The following ELK3 variants were observed in gnomAD, a reference collection of about 807,000 sequenced individuals.
The protein encoded by ELK3 is ETS domain-containing protein Elk-3.
ELK3 carries 10 observed loss-of-function variants against 28.9 expected under a neutral mutation model. The ratio of observed to expected loss-of-function variants is 0.35; its 90% CI spans 0.21 to 0.59. ELK3 has a LOEUF of 0.59. Ranked by LOEUF, ELK3 falls within the 20% of genes least tolerant of loss-of-function variation. The pLI is 0.82. For missense variants in ELK3, 463 were observed against 517.3 expected (o/e 0.90, Z 1.02); for synonymous variants, 272 against 243.5 (o/e 1.12, Z -1.09).
At chr12:96,210,139 C>T (rs760121683) in intron 1 of ELK3, among the ~76,000 whole-genome samples, 4 of 152,022 alleles carry the variant, frequency 2.6e-5, no homozygotes, top group Non-Finnish European at 2.9e-5. Flanking sequence ...GTATGAGGGT[C>T]GGGGGGCCAG....
At chr12:96,232,576 A>G (rs1951749948) in intron 2 of ELK3, among the ~76,000 whole-genome samples, 1 of 151,616 alleles carries the variant, frequency 6.6e-6, no homozygotes, top group South Asian at 2.1e-4. Flanking sequence ...ATCTCAAAAA[A>G]AAAAATAAAT....
Position 96,247,658 on chromosome 12 carries a change from C to T in ELK3, c.926C>T (p.Thr309Ile), listed in dbSNP as rs769260115. The T allele has an allele frequency of 2.8e-5, 45 of 1,612,474 alleles. No homozygotes were observed. Among genetic ancestry groups the T allele is most frequent in the Non-Finnish European group, 3.7e-5 (44 of 1,179,946 alleles). ...ISAPPLVLSG[T>I]DIGSIALNSP... ...GCGCCCCCGCTGGTGCTCTCCGGCACCGACATCGGCTCCATCGCCCTCAAC... is the reference window on the plus strand; with the variant it reads ...GCGCCCCCGCTGGTGCTCTCCGGCATCGACATCGGCTCCATCGCCCTCAAC... The change falls in exon 3 of 5, where the codon ACC becomes ATC. Residue 309 changes from threonine to isoleucine, a missense_variant. Around this residue, in one of 2 missense-constraint regions of ELK3, gnomAD observed 408 missense variants for 414.8 expected, o/e 0.98. Coordinates refer to ENST00000228741, the MANE Select transcript of ELK3 (RefSeq NM_005230.4). This position sits in a 1 kb window ranked among gnomAD's most constrained non-coding sequence, Gnocchi z 5.5.
At chr12:96,221,268 C>T (rs935568510) in intron 1 of ELK3, among the ~76,000 whole-genome samples, 1 of 152,208 alleles carries the variant, frequency 6.6e-6, no homozygotes, top group Admixed American at 6.5e-5. Flanking sequence ...AAAAGTGATT[C>T]TGTGATGCAC....
At chr12:96,230,764 A>G (rs1373433177) in intron 2 of ELK3, among the ~76,000 whole-genome samples, 1 of 152,176 alleles carries the variant, frequency 6.6e-6, no homozygotes, top group Non-Finnish European at 1.5e-5. Context: ...GGCTCTGATC[A>G]CTGTGCTCAG....
chr12:96,240,087 T>C (rs370711347), intron 2 of ELK3, among the ~76,000 whole-genome samples: 5 of 152,330 alleles, frequency 3.3e-5, no homozygotes, highest in African/African-American at 1.2e-4. Flanking sequence ...TTAGGCACAA[T>C]ATAATATAAG....
Position 96,227,266 on chromosome 12 carries a change from C to T in ELK3, c.207+3493C>T, listed in dbSNP as rs984937715. Among the ~76,000 whole-genome samples the T allele has an allele frequency of 5.3e-5, 8 of 152,124 alleles. No homozygotes were observed. In the East Asian group the frequency reaches 1.6e-3, roughly 30 times the overall value. On this transcript the variant is annotated intron_variant, in intron 2 of 4. Transcript: ENST00000228741. ...TTCTCGGTGTCCTCCTCCTCTTCCT[C>T]ACTAACATTCATCCAGAGCCTTTCA...
At chr12:96,240,529 C>G (rs1951813580) in intron 2 of ELK3, among the ~76,000 whole-genome samples, 1 of 152,156 alleles carries the variant, frequency 6.6e-6, no homozygotes. Flanking sequence ...GGAGCCTCTC[C>G]TTTTAATCCC....
chr12:96,250,904 G>A (rs1409328017), intron 3 of ELK3, among the ~76,000 whole-genome samples: 1 of 152,288 alleles, frequency 6.6e-6, no homozygotes, highest in East Asian at 1.9e-4. Flanking sequence ...AATCATGGCA[G>A]GAAGAAGGGG....
intron 2 of ELK3, among the ~76,000 whole-genome samples, chr12:96,228,260 A>T (rs1951717922): frequency 6.7e-6 from 1 of 149,824 alleles, no homozygotes; most frequent in African/African-American, 2.5e-5. Context: ...TCTACTAAAA[A>T]TACAAAAATT....
intron 3 of ELK3, among the ~76,000 whole-genome samples, chr12:96,248,467 C>T (rs1389832037): frequency 2.0e-5 from 3 of 152,184 alleles, no homozygotes; most frequent in Non-Finnish European, 4.4e-5. Flanking sequence ...ATTTCTCCTT[C>T]CCCTTGAAAA....
chr12:96,246,039 A>G (rs2137032120), intron 2 of ELK3, among the ~76,000 whole-genome samples: 1 of 152,336 alleles, frequency 6.6e-6, no homozygotes, highest in South Asian at 2.1e-4. Context: ...ATTAAAAAGG[A>G]AAAAAATGAC....
At chr12:96,234,510 C>T (rs1295071346) in intron 2 of ELK3, among the ~76,000 whole-genome samples, 1 of 151,112 alleles carries the variant, frequency 6.6e-6, no homozygotes, top group East Asian at 1.9e-4. Flanking sequence ...TCCACCCACG[C>T]CTCAGCTGCT....
chr12:96,237,396 G>A (rs1951792350), intron 2 of ELK3, among the ~76,000 whole-genome samples: 1 of 148,668 alleles, frequency 6.7e-6, no homozygotes, highest in Non-Finnish European at 1.5e-5. Context: ...TTTAGTGGGG[G>A]TGGGTGTGAG....
Position 96,268,156 on chromosome 12 carries a change from ACAGAGTGGTGATGAACC to A in ELK3, c.*979_*995del, listed in dbSNP as rs1952055201. 2 of 152,260 alleles carry A rather than the reference ACAGAGTGGTGATGAACC, an allele frequency of 1.3e-5. No individual in the cohort carries two copies. The highest frequency in any genetic ancestry group is 2.9e-5 in the Non-Finnish European group (2 of 68,046). The allele number at this position is 152,260 out of a possible 1,614,324, so 9.4% of individuals were successfully genotyped here. A position where few individuals can be genotyped will look rare whatever the true frequency, so the allele number is the denominator to read the frequency against. On this transcript the variant is annotated 3_prime_UTR_variant, in exon 5 of 5. Coordinates refer to ENST00000228741, the MANE Select transcript of ELK3 (RefSeq NM_005230.4). ...AAATCTAATGCTTTAGAAGAAGCTC[ACAGAGTGGTGATGAACC>A]CAAACAACAAAGAAACCATTTTTAA...
chr12:96,258,751 T>A (rs113476739), intron 3 of ELK3, among the ~76,000 whole-genome samples: 96 of 152,236 alleles, frequency 6.3e-4, no homozygotes, highest in African/African-American at 2.1e-3. Context: ...TCCTGCTGTG[T>A]GTGTGCAAGA....
intron 2 of ELK3, among the ~76,000 whole-genome samples, chr12:96,240,800 CGAGG>C (rs1364403122): frequency 5.3e-5 from 8 of 152,170 alleles, no homozygotes; most frequent in Admixed American, 3.9e-4. Context: ...ACCAGAATGA[CGAGG>C]AACTCGCCAC....
intron 2 of ELK3, among the ~76,000 whole-genome samples, chr12:96,238,951 A>G (rs77493783): frequency 0.081 from 12,282 of 152,106 alleles, 713 homozygotes; most frequent in African/African-American, 0.16. Flanking sequence ...TGCTTTCTGG[A>G]AGAGGGTGTG....
chr12:96,195,951 CCA>C (rs1365021881), intron 1 of ELK3, among the ~76,000 whole-genome samples: 2 of 149,700 alleles, frequency 1.3e-5, no homozygotes, highest in African/African-American at 4.9e-5. Flanking sequence ...CCCCAGTCCT[CCA>C]GCCTGGGGGT....
At chr12:96,235,496 A>G (rs543852281) in intron 2 of ELK3, among the ~76,000 whole-genome samples, 2 of 152,314 alleles carry the variant, frequency 1.3e-5, no homozygotes, top group Admixed American at 6.5e-5. Context: ...GGAAACAAGC[A>G]TCCTTCTCCA....
Sources: gnomAD v4.1 joint callset for allele counts (sites outside exome capture counted in the v4.1 genomes callset) on GRCh38, gnomAD v4.1.1 for gene constraint, gnomAD v4.1.1 regional missense constraint, Gnocchi (gnomAD v3.1) non-coding constraint, MANE v1.5 for transcripts, NCBI Gene and HGNC (gene_info 2026-07-23, HGNC 2026-07-21) for gene names.